The following CSMD1 variants were observed in gnomAD, a reference collection of about 807,000 sequenced individuals.
The protein encoded by CSMD1 is CUB and Sushi multiple domains 1.
In CSMD1, 213 loss-of-function variants were observed where a neutral mutation model predicts 417.5. That is an observed-to-expected ratio of 0.51 (90% confidence interval 0.46 to 0.57). The LOEUF (loss-of-function observed/expected upper bound fraction) is 0.57, where lower values mean the gene tolerates loss of function less well. Ranked by LOEUF, CSMD1 falls within the 20% of genes least tolerant of loss-of-function variation. The probability of loss-of-function intolerance (pLI) is 0.00; values close to 1 mark genes in which losing one functional copy is unlikely to be tolerated. For synonymous variants in CSMD1, 2,862 were observed against 1,736.8 expected, an observed-to-expected ratio of 1.65 and a Z score of -16.11; for missense variants, 6,923 against 4,529.7, an observed-to-expected ratio of 1.53 and a Z score of -15.17.
At chr8:3,516,242 C>T (rs1008083829) in intron 10 of CSMD1, among the ~76,000 whole-genome samples, 1 of 152,202 alleles carries the variant, frequency 6.6e-6, no homozygotes, top group Non-Finnish European at 1.5e-5. Context: ...CTTGCAAAAC[C>T]TAAGACTCAC....
At chr8:4,052,203 G>A (rs544734154) in intron 3 of CSMD1, among the ~76,000 whole-genome samples, 1 of 152,112 alleles carries the variant, frequency 6.6e-6, no homozygotes, top group East Asian at 1.9e-4. Flanking sequence ...GGGGTTACAG[G>A]CATGAGCCAC....
chr8:3,637,075 G>A (rs1416531064), intron 7 of CSMD1, among the ~76,000 whole-genome samples: 1 of 152,090 alleles, frequency 6.6e-6, no homozygotes. Flanking sequence ...CCTCATGCTT[G>A]AACTTCCCAG....
chr8:3,738,840 T>G (rs1796654425), intron 6 of CSMD1, among the ~76,000 whole-genome samples: 1 of 152,148 alleles, frequency 6.6e-6, no homozygotes, highest in Non-Finnish European at 1.5e-5. Flanking sequence ...TCATCTAAAA[T>G]AGGCATCAAT....
At chr8:4,480,964 C>G (rs932211480) in intron 2 of CSMD1, among the ~76,000 whole-genome samples, 1 of 152,144 alleles carries the variant, frequency 6.6e-6, no homozygotes, top group Non-Finnish European at 1.5e-5. Flanking sequence ...CAGTCTTCCC[C>G]AGGTGATTCT....
chr8:4,191,947 G>T (rs966968093), intron 3 of CSMD1, among the ~76,000 whole-genome samples: 1 of 152,154 alleles, frequency 6.6e-6, no homozygotes, highest in Non-Finnish European at 1.5e-5. Context: ...TAAACCAACT[G>T]CACCCACAGG....
chr8:3,297,290 C>G lies in CSMD1; in HGVS notation c.3950+10405G>C, dbSNP rs182391900. Among the ~76,000 whole-genome samples, 35 of 152,142 alleles carry G rather than the reference C, an allele frequency of 2.3e-4. No homozygotes were observed. In the East Asian group the frequency reaches 3.7e-3, roughly 16 times the overall value. On this transcript the variant is annotated intron_variant, in intron 25 of 69. Transcript: ENST00000635120. ...GATGTCATGGGATATCAATAAAAATCCAGGCAATTTCTTTTGTAAAAAATT... is the reference window on the plus strand; with the variant it reads ...GATGTCATGGGATATCAATAAAAATGCAGGCAATTTCTTTTGTAAAAAATT...
intron 6 of CSMD1, among the ~76,000 whole-genome samples, chr8:3,721,058 G>A (rs1019069001): frequency 1.3e-5 from 2 of 151,996 alleles, no homozygotes; most frequent in African/African-American, 4.8e-5. Flanking sequence ...CCCGACCTTG[G>A]GTGATCTGCC....
intron 5 of CSMD1, among the ~76,000 whole-genome samples, chr8:3,943,407 G>A (rs1811016221): frequency 8.7e-6 from 1 of 114,634 alleles, no homozygotes. Flanking sequence ...TGTCTTATAA[G>A]TTGTTTTTTT....
chr8:4,445,454 C>T (rs979663580), intron 2 of CSMD1, among the ~76,000 whole-genome samples: 1 of 152,160 alleles, frequency 6.6e-6, no homozygotes, highest in Admixed American at 6.5e-5. Flanking sequence ...AATTTATACC[C>T]TCCAGTGAGT....
At chr8:3,438,217 G>C (rs548725884) in intron 12 of CSMD1, among the ~76,000 whole-genome samples, 59 of 152,132 alleles carry the variant, frequency 3.9e-4, no homozygotes, top group Non-Finnish European at 7.2e-4. Flanking sequence ...GCAGTTGTAA[G>C]AGGTAATACA....
intron 12 of CSMD1, among the ~76,000 whole-genome samples, chr8:3,421,591 C>G (rs914865094): frequency 6.6e-6 from 1 of 152,044 alleles, no homozygotes; most frequent in African/African-American, 2.4e-5. Context: ...GTGTTAAACC[C>G]CAAGATAAAA....
At chr8:4,370,560 T>G (rs1802337891) in intron 3 of CSMD1, among the ~76,000 whole-genome samples, 1 of 152,246 alleles carries the variant, frequency 6.6e-6, no homozygotes, top group South Asian at 2.1e-4. Context: ...CTCTTTCTCT[T>G]GCTGGAATAA....
intron 3 of CSMD1, among the ~76,000 whole-genome samples, chr8:4,279,095 T>A (rs578004026): frequency 1.2e-3 from 190 of 152,240 alleles, no homozygotes; most frequent in African/African-American, 4.0e-3. Flanking sequence ...AATTTTTTTT[T>A]AAAAAACACC....
At position 3,408,013 on chromosome 8, in the gene CSMD1, T is replaced by C. The variant is rs748869334; in HGVS notation, c.1957A>G (p.Thr653Ala). The change falls in exon 14 of 70, where the codon ACT becomes GCT. Residue 653 changes from threonine to alanine, a missense_variant. Thr to Ala is a moderately conservative substitution (Grantham distance 58). Transcript: ENST00000635120. ...GAAGGCACTTCATTGCCAGAAAAAG[T>C]ACCCAGGACAGTTATGTCAGAAATG... ...DGISDITVLG[T>A]FSGNEVPSQL... The C allele has an allele frequency of 6.2e-7, 1 of 1,613,920 alleles. No individual in the cohort carries two copies.
intron 26 of CSMD1, among the ~76,000 whole-genome samples, chr8:3,248,523 CTTTTTTT>C (rs10663439): frequency 2.9e-4 from 25 of 85,982 alleles, no homozygotes; most frequent in Admixed American, 5.3e-4. Flanking sequence ...AATTCCCTCC[CTTTTTTT>C]TTTTTTTTTT....
In CSMD1 at chr8:4,573,901, C is replaced by T. The variant is rs371224846; in HGVS notation, c.302+63441G>A. ...GTGCGTTCTGCCCAGTTCAAACTTC[C>T]TGGCAGCTATGTTTACACTGTGAGG... On this transcript the variant is annotated intron_variant, in intron 2 of 69. Coordinates refer to ENST00000635120, the MANE Select transcript of CSMD1 (RefSeq NM_033225.6). Among the ~76,000 whole-genome samples, 46 of 152,318 alleles carry T rather than the reference C, an allele frequency of 3.0e-4. 2 individuals carry two copies. The South Asian group carries it at 9.5e-3, about 32-fold the overall frequency.
chr8:4,633,342 G>T (rs1357767236), intron 2 of CSMD1, among the ~76,000 whole-genome samples: 1 of 151,948 alleles, frequency 6.6e-6, no homozygotes, highest in Non-Finnish European at 1.5e-5. Context: ...CGCCTCCCCA[G>T]TTCACACCAG....
intron 33 of CSMD1, 96 bp downstream of exon 33, chr8:3,199,618 G>T: frequency 3.6e-6 from 2 of 561,416 alleles, no homozygotes; most frequent in East Asian, 3.3e-5. Flanking sequence ...CAAAAATGCA[G>T]CTGAGATGTT....
chr8:3,164,662 T>TA (rs1040563850), intron 37 of CSMD1, among the ~76,000 whole-genome samples: 26 of 152,266 alleles, frequency 1.7e-4, no homozygotes, highest in Non-Finnish European at 3.1e-4. Flanking sequence ...TCGGGAATAC[T>TA]AAAAATCTAC....
Sources: gnomAD v4.1 joint callset for allele counts (sites outside exome capture counted in the v4.1 genomes callset) on GRCh38, gnomAD v4.1.1 for gene constraint, MANE v1.5 for transcripts, NCBI Gene and HGNC (gene_info 2026-07-23, HGNC 2026-07-21) for gene names.